CCSER1: variants seen among roughly 807,000 people sequenced by gnomAD.
CCSER1 encodes the protein serine-rich coiled-coil domain-containing protein 1.
In CCSER1, 41 loss-of-function variants were observed where a neutral mutation model predicts 82.0. That is an observed-to-expected ratio of 0.50 (90% CI 0.39 to 0.65). CCSER1 has a LOEUF of 0.65. CCSER1 is among the 30% of genes least tolerant of loss of function. The pLI is 0.00. For synonymous variants in CCSER1, 414 were observed against 383.9 expected (o/e 1.08, Z -0.92); for missense variants, 1,119 against 1,064.2 (o/e 1.05, Z -0.72).
intron 8 of CCSER1, among the ~76,000 whole-genome samples, chr4:90,873,541 C>T (rs546501175): frequency 1.3e-5 from 2 of 152,118 alleles, no homozygotes; most frequent in South Asian, 2.1e-4. Context: ...TTTAAAACTC[C>T]TTGCAGATCT....
At chr4:90,322,638 G>A (rs1341046469) in intron 3 of CCSER1, among the ~76,000 whole-genome samples, 1 of 152,138 alleles carries the variant, frequency 6.6e-6, no homozygotes, top group African/African-American at 2.4e-5. Context: ...GTGTTTCATA[G>A]TTTTTATTGT....
At chr4:90,616,558 G>A (rs77705193) in intron 5 of CCSER1, among the ~76,000 whole-genome samples, 1 of 151,572 alleles carries the variant, frequency 6.6e-6, no homozygotes, top group Non-Finnish European at 1.5e-5. Flanking sequence ...GGTAGCACAC[G>A]CCTCTAATCC....
At chr4:91,082,747 G>A (rs62312172) in intron 9 of CCSER1, among the ~76,000 whole-genome samples, 44,818 of 151,812 alleles carry the variant, frequency 0.3, 7,850 homozygotes, top group East Asian at 0.45. Flanking sequence ...AAAAGTGGGC[G>A]AAGGATATGA....
chr4:90,984,387 G>C (rs1736398469), intron 9 of CCSER1, among the ~76,000 whole-genome samples: 3 of 151,718 alleles, frequency 2.0e-5, no homozygotes, highest in Non-Finnish European at 4.4e-5. Context: ...TTGCAAGTAG[G>C]CAAGGATCTG....
At position 90,945,641 on chromosome 4, in the gene CCSER1, C is replaced by CT. The variant is rs145538344; in HGVS notation, c.2172+22195dup. Among the ~76,000 whole-genome samples the CT allele has an allele frequency of 3.7e-3, 565 of 152,266 alleles. 10 individuals are homozygous for CT. The East Asian group carries it at 0.047, about 13-fold the overall frequency. ...ACAAACAGACTGTGTTATTTCTACC[C>CT]TCAAGTCTCAGCACCTTTAGTGCCC... is the stretch of plus-strand genomic sequence containing the variant. On this transcript the variant is annotated intron_variant, in intron 9 of 10. Transcript: ENST00000509176.
At chr4:91,434,257 TA>T (rs1422357330) in intron 10 of CCSER1, among the ~76,000 whole-genome samples, 1 of 152,002 alleles carries the variant, frequency 6.6e-6, no homozygotes, top group African/African-American at 2.4e-5. Context: ...AATGTTAAAA[TA>T]GGGGTACTTA....
intron 3 of CCSER1, among the ~76,000 whole-genome samples, chr4:90,389,181 A>G (rs1226726366): frequency 6.6e-6 from 1 of 152,224 alleles, no homozygotes; most frequent in African/African-American, 2.4e-5. Flanking sequence ...ACTCCAGCAT[A>G]TGATGAGATA....
chr4:91,395,754 G>T (rs1177370328), intron 10 of CCSER1, among the ~76,000 whole-genome samples: 2 of 151,704 alleles, frequency 1.3e-5, no homozygotes, highest in Non-Finnish European at 2.9e-5. Flanking sequence ...ATGGGTAAAT[G>T]AGAAAGAAAA....
rs115213353 is a variant in CCSER1 at position 91,047,279 on chromosome 4, G to A, written c.2173-38671G>A. On this transcript the variant is annotated intron_variant, in intron 9 of 10. Coordinates refer to ENST00000509176, the MANE Select transcript of CCSER1 (RefSeq NM_001145065.2). ...ATATATATATTTCTCAAAAGCATATGTATAACACATACATATATATTCACC... is the reference window on the plus strand; with the variant it reads ...ATATATATATTTCTCAAAAGCATATATATAACACATACATATATATTCACC... 2.8e-3 allele frequency among the ~76,000 whole-genome samples: 425 copies of A among 152,100 alleles called. 1 individual carries two copies. The highest frequency in any genetic ancestry group is 9.6e-3 in the African/African-American group (399 of 41,488).
intron 9 of CCSER1, among the ~76,000 whole-genome samples, chr4:91,058,838 G>T (rs536456595): frequency 6.6e-6 from 1 of 152,090 alleles, no homozygotes; most frequent in African/African-American, 2.4e-5. Flanking sequence ...TCTTATGGAA[G>T]ATCTGAGAAA....
intron 10 of CCSER1, among the ~76,000 whole-genome samples, chr4:91,207,244 C>T (rs1736422256): frequency 6.6e-6 from 1 of 151,766 alleles, no homozygotes; most frequent in Non-Finnish European, 1.5e-5. Flanking sequence ...TTCAGGTGTA[C>T]ATGTGCAGGT....
At chr4:90,273,339 G>C (rs186082752) in intron 1 of CCSER1, among the ~76,000 whole-genome samples, 3 of 151,980 alleles carry the variant, frequency 2.0e-5, no homozygotes, top group Non-Finnish European at 4.4e-5. Flanking sequence ...CAATTTAATC[G>C]CATGTTTAAA....
At chr4:91,430,555 T>G (rs1242654863) in intron 10 of CCSER1, among the ~76,000 whole-genome samples, 1 of 152,246 alleles carries the variant, frequency 6.6e-6, no homozygotes, top group Admixed American at 6.5e-5. Flanking sequence ...AGCACCCAAT[T>G]TATTGCTGAA....
intron 6 of CCSER1, among the ~76,000 whole-genome samples, chr4:90,633,418 T>G (rs941484536): frequency 6.6e-6 from 1 of 152,030 alleles, no homozygotes; most frequent in Non-Finnish European, 1.5e-5. Context: ...TATGCCCAAG[T>G]CTATCAATGG....
At chr4:90,883,921 AAT>A (rs1271887603) in intron 8 of CCSER1, among the ~76,000 whole-genome samples, 2 of 152,080 alleles carry the variant, frequency 1.3e-5, no homozygotes, top group Non-Finnish European at 2.9e-5. Context: ...GAAGAGCTAA[AAT>A]CATCAGAGAT....
intron 10 of CCSER1, among the ~76,000 whole-genome samples, chr4:91,266,225 A>G (rs1454710030): frequency 6.6e-6 from 1 of 151,738 alleles, no homozygotes; most frequent in Non-Finnish European, 1.5e-5. Flanking sequence ...CTTTAACTTA[A>G]GCTGGTTGTT....
chr4:90,879,628 G>T (rs1199090189), intron 8 of CCSER1, among the ~76,000 whole-genome samples: 2 of 133,490 alleles, frequency 1.5e-5, no homozygotes, highest in East Asian at 4.4e-4. Context: ...GGAGGAGGAG[G>T]AAAGAAGAAA....
chr4:90,625,249 A>G (rs1023972448), intron 5 of CCSER1, among the ~76,000 whole-genome samples: 2 of 152,112 alleles, frequency 1.3e-5, no homozygotes, highest in Non-Finnish European at 2.9e-5. Context: ...ATTTTTCTTC[A>G]TTTTCTTGTC....
intron 8 of CCSER1, among the ~76,000 whole-genome samples, chr4:90,921,909 T>C (rs994647043): frequency 5.3e-5 from 8 of 152,084 alleles, no homozygotes; most frequent in African/African-American, 1.9e-4. Context: ...TATTACTACC[T>C]CTCCCTGTTC....
Sources: gnomAD v4.1 joint callset for allele counts (sites outside exome capture counted in the v4.1 genomes callset) on GRCh38, gnomAD v4.1.1 for gene constraint, MANE v1.5 for transcripts, NCBI Gene and HGNC (gene_info 2026-07-23, HGNC 2026-07-21) for gene names.